RGS21: variants seen among roughly 807,000 people sequenced by gnomAD.
RGS21 encodes regulator of G protein signaling 21.
In RGS21, 19 loss-of-function variants were observed where a neutral mutation model predicts 18.7. The ratio of observed to expected loss-of-function variants is 1.01; its 90% confidence interval spans 0.71 to 1.49. The LOEUF is 1.49. RGS21 is among the 40% of genes most tolerant of loss of function. The pLI, the probability that RGS21 is intolerant of heterozygous loss-of-function variation, is 0.00. For synonymous variants in RGS21, 56 were observed against 57.8 expected (o/e 0.97, Z 0.14); for missense variants, 194 against 176.8 (o/e 1.10, Z -0.55).
At chr1:192,319,777 T>C (rs1405927225) in intron 1 of RGS21, among the ~76,000 whole-genome samples, 1 of 152,134 alleles carries the variant, frequency 6.6e-6, no homozygotes, top group Non-Finnish European at 1.5e-5. Flanking sequence ...GTGTGATACA[T>C]AGTAGATGTT....
At chr1:192,355,806 CAT>C (rs1659103689) in intron 4 of RGS21, among the ~76,000 whole-genome samples, 1 of 150,638 alleles carries the variant, frequency 6.6e-6, no homozygotes, top group South Asian at 2.1e-4. Flanking sequence ...AAGAAATTAA[CAT>C]ATTTAAAATA....
intron 1 of RGS21, among the ~76,000 whole-genome samples, chr1:192,324,590 G>A (rs1028052707): frequency 4.7e-5 from 7 of 147,438 alleles, no homozygotes; most frequent in Admixed American, 4.0e-4. Flanking sequence ...TATTCACAGA[G>A]GAATGTGTGT....
At position 192,346,974 on chromosome 1, in the gene RGS21, A is replaced by G. The variant is rs111308094; in HGVS notation, c.12-339A>G. On this transcript the variant is annotated intron_variant, in intron 2 of 4. Transcript: ENST00000417209. Reference sequence around the variant, plus strand: ...CTATCATAACTTTTTGGCTAGAGTAATGTCACATAAATTAACAAATAATAT... The same window carrying G: ...CTATCATAACTTTTTGGCTAGAGTAGTGTCACATAAATTAACAAATAATAT... Among the ~76,000 whole-genome samples, 209 of 152,288 alleles carry G rather than the reference A, an allele frequency of 1.4e-3. 3 individuals carry two copies. The highest frequency in any genetic ancestry group is 4.7e-3 in the African/African-American group (196 of 41,570).
chr1:192,352,146 C>A lies in RGS21; in HGVS notation c.188C>A (p.Ala63Glu). The change falls in exon 4 of 5, where the codon GCA becomes GAA. Residue 63 changes from alanine to glutamate, a missense_variant. Coordinates refer to ENST00000417209, the MANE Select transcript of RGS21 (RefSeq NM_001039152.3). ...ACEDFKKTKN[A>E]DKIASKAKMI... is the part of the protein sequence containing the mutation. ...GAAGACTTTAAGAAAACGAAAAATG[C>A]AGACAAAATTGCTTCCAAAGCCAAG... 6.2e-7 allele frequency: 1 copy of A among 1,611,036 alleles called. No individual in the cohort carries two copies. The highest frequency in any genetic ancestry group is 8.5e-7 in the Non-Finnish European group (1 of 1,178,560).
At chr1:192,349,680 A>T (rs1389987491) in intron 3 of RGS21, among the ~76,000 whole-genome samples, 3 of 152,188 alleles carry the variant, frequency 2.0e-5, no homozygotes, top group African/African-American at 7.2e-5. Flanking sequence ...ATAGATAAGT[A>T]GCCCCAGGTT....
rs1332742643 is a variant in RGS21 at position 192,316,995 on chromosome 1, A to G, written c.-171A>G. On this transcript the variant is annotated 5_prime_UTR_variant, in exon 1 of 5. Transcript: ENST00000417209. ...GAGAGTATGTTAATATAGAAAAGTT[A>G]CCACTTGGAAAACAATTCATCTGAA... 1 of 151,966 alleles carries G rather than the reference A, an allele frequency of 6.6e-6. No individual in the cohort carries two copies. The highest frequency in any genetic ancestry group is 1.5e-5 in the Non-Finnish European group (1 of 67,864). 9.4% of individuals were successfully genotyped at this position (151,966 alleles called of 1,614,324 possible).
intron 1 of RGS21, among the ~76,000 whole-genome samples, chr1:192,333,523 C>G (rs554165789): frequency 6.7e-6 from 1 of 148,182 alleles, no homozygotes; most frequent in Non-Finnish European, 1.5e-5. Flanking sequence ...TAGTCACATG[C>G]GAAATGATGT....
chr1:192,334,243 C>A (rs1046277634), intron 1 of RGS21, among the ~76,000 whole-genome samples: 1 of 151,996 alleles, frequency 6.6e-6, no homozygotes, highest in African/African-American at 2.4e-5. Context: ...ATTTAAAGAG[C>A]GTACTTGTCA....
chr1:192,363,442 T>C (rs1053324896), intron 4 of RGS21, among the ~76,000 whole-genome samples: 4 of 152,114 alleles, frequency 2.6e-5, no homozygotes, highest in Non-Finnish European at 5.9e-5. Flanking sequence ...CTTAACAATA[T>C]AGTTAATTGA....
intron 4 of RGS21, among the ~76,000 whole-genome samples, chr1:192,355,830 T>C (rs1659104308): frequency 6.6e-6 from 1 of 151,244 alleles, no homozygotes; most frequent in Non-Finnish European, 1.5e-5. Context: ...ATATTATATT[T>C]ATGTCATCAT....
chr1:192,352,932 T>C (rs1421607806), intron 4 of RGS21, among the ~76,000 whole-genome samples: 13 of 152,068 alleles, frequency 8.5e-5, no homozygotes, highest in Non-Finnish European at 1.5e-5. Flanking sequence ...GCAATTTACA[T>C]TTGTAAACTG....
chr1:192,360,072 A>G (rs2102238014), intron 4 of RGS21, among the ~76,000 whole-genome samples: 1 of 152,062 alleles, frequency 6.6e-6, no homozygotes, highest in Middle Eastern at 3.4e-3. Context: ...TATTATAATG[A>G]GAAGAGACAC....
intron 2 of RGS21, among the ~76,000 whole-genome samples, chr1:192,343,860 A>C (rs898107319): frequency 1.3e-5 from 2 of 152,116 alleles, no homozygotes; most frequent in Non-Finnish European, 2.9e-5. Context: ...GGAAGAAAAA[A>C]AGAAATGAGG....
At chr1:192,322,593 A>G (rs929091895) in intron 1 of RGS21, among the ~76,000 whole-genome samples, 18 of 152,026 alleles carry the variant, frequency 1.2e-4, no homozygotes, top group Middle Eastern at 3.4e-3. Flanking sequence ...TTCTAAATCA[A>G]ATCTCCTCAT....
chr1:192,350,617 A>G (rs1460344231), intron 3 of RGS21, among the ~76,000 whole-genome samples: 1 of 152,178 alleles, frequency 6.6e-6, no homozygotes, highest in African/African-American at 2.4e-5. Context: ...AATTTCTCTG[A>G]GTGGAAAAAG....
intron 2 of RGS21, among the ~76,000 whole-genome samples, chr1:192,345,758 G>A (rs1376441953): frequency 6.6e-6 from 1 of 151,948 alleles, no homozygotes. Flanking sequence ...TACCCTGCTA[G>A]CAGCCAAATT....
In RGS21 at chr1:192,329,462, G is replaced by A. The variant is rs773315778; in HGVS notation, c.-61+12357G>A. On this transcript the variant is annotated intron_variant, in intron 1 of 4. Coordinates refer to ENST00000417209, the MANE Select transcript of RGS21 (RefSeq NM_001039152.3). ...TCTGATTCTATTTTGAAAAGAATATGCAAGTGTCTTTTAATTTCTCTGCTT... is the reference window on the plus strand; with the variant it reads ...TCTGATTCTATTTTGAAAAGAATATACAAGTGTCTTTTAATTTCTCTGCTT... Among the ~76,000 whole-genome samples the A allele has an allele frequency of 4.7e-4, 72 of 151,950 alleles. 1 individual carries two copies. Among genetic ancestry groups the A allele is most frequent in the Non-Finnish European group, 7.1e-4 (48 of 67,922 alleles).
At chr1:192,349,599 C>T (rs936536874) in intron 3 of RGS21, among the ~76,000 whole-genome samples, 2 of 152,094 alleles carry the variant, frequency 1.3e-5, no homozygotes, top group African/African-American at 4.8e-5. Flanking sequence ...ACTTTAAAAT[C>T]ATTTGGCATC....
At chr1:192,356,647 G>A (rs994796608) in intron 4 of RGS21, among the ~76,000 whole-genome samples, 1 of 151,682 alleles carries the variant, frequency 6.6e-6, no homozygotes, top group African/African-American at 2.4e-5. Flanking sequence ...GGAAGAAACA[G>A]ATATATGAGT....
Sources: allele counts gnomAD v4.1 joint callset (sites outside exome capture counted in the v4.1 genomes callset), GRCh38; gene constraint gnomAD v4.1.1; transcripts MANE v1.5; gene names NCBI Gene and HGNC (gene_info 2026-07-23, HGNC 2026-07-21).